Variants in OSBPL10 observed in about 807,000 individuals in gnomAD.
OSBPL10 encodes oxysterol-binding protein-related protein 10.
In OSBPL10, 49 loss-of-function variants were observed where a neutral mutation model predicts 81.7. That is an observed-to-expected ratio of 0.60 (90% CI 0.48 to 0.76). The LOEUF (loss-of-function observed/expected upper bound fraction) is 0.76. Ranked by LOEUF, OSBPL10 falls within the 30% of genes least tolerant of loss-of-function variation. The pLI is 0.00. For missense variants in OSBPL10, 923 were observed against 987.8 expected, an observed-to-expected ratio of 0.93 and a Z score of 0.88; for synonymous variants, 419 against 383.6, an observed-to-expected ratio of 1.09 and a Z score of -1.08.
chr3:32,030,731 T>A (rs1053748488), intron 2 of OSBPL10: 9 of 674,236 alleles, frequency 1.3e-5, no homozygotes, highest in Admixed American at 2.4e-5. Context: ...AATAAATAAA[T>A]AAAAAATTAC....
intron 6 of OSBPL10, among the ~76,000 whole-genome samples, chr3:31,719,614 G>A (rs1696571805): frequency 6.6e-6 from 1 of 152,144 alleles, no homozygotes; most frequent in Non-Finnish European, 1.5e-5. Flanking sequence ...ACACAATGCT[G>A]AGAAAGTATA....
chr3:31,868,443 C>T (rs958010565), intron 3 of OSBPL10, among the ~76,000 whole-genome samples: 1 of 152,060 alleles, frequency 6.6e-6, no homozygotes, highest in African/African-American at 2.4e-5. Context: ...CCACCTCCCC[C>T]GCCATTGTCT....
chr3:31,805,855 A>G (rs1389128614), intron 4 of OSBPL10, among the ~76,000 whole-genome samples: 2 of 152,244 alleles, frequency 1.3e-5, no homozygotes, highest in African/African-American at 4.8e-5. Flanking sequence ...CAAGCTTACA[A>G]TAACGATGAC....
chr3:31,878,180 T>G (rs1701526938), intron 2 of OSBPL10, among the ~76,000 whole-genome samples: 1 of 152,252 alleles, frequency 6.6e-6, no homozygotes, highest in Admixed American at 6.5e-5. Flanking sequence ...AACCTAGGGC[T>G]TAATAATCCA....
At chr3:31,706,767 C>T (rs1327906243) in intron 6 of OSBPL10, among the ~76,000 whole-genome samples, 1 of 152,168 alleles carries the variant, frequency 6.6e-6, no homozygotes, top group African/African-American at 2.4e-5. Context: ...TTATTCAATA[C>T]ATATATGTAA....
At chr3:31,671,847 A>G (rs1318590075) in intron 8 of OSBPL10, among the ~76,000 whole-genome samples, 3 of 152,190 alleles carry the variant, frequency 2.0e-5, no homozygotes, top group Admixed American at 2.0e-4. Context: ...GTAGAGTTGT[A>G]TACAGAGGCC....
chr3:31,674,511 G>A (rs935149898), intron 8 of OSBPL10, among the ~76,000 whole-genome samples: 1 of 150,024 alleles, frequency 6.7e-6, no homozygotes, highest in African/African-American at 2.5e-5. Flanking sequence ...AGTGAGCCAT[G>A]GTCACGTCAC....
intron 1 of OSBPL10, among the ~76,000 whole-genome samples, chr3:32,070,954 G>A (rs1699824091): frequency 6.6e-6 from 1 of 152,108 alleles, no homozygotes; most frequent in African/African-American, 2.4e-5. Flanking sequence ...AAGCCTCCAG[G>A]GACAGCCCTC....
At chr3:31,785,235 G>GA in intron 4 of OSBPL10, among the ~76,000 whole-genome samples, 2 of 152,184 alleles carry the variant, frequency 1.3e-5, no homozygotes, top group South Asian at 4.2e-4. Context: ...GTAATAAATG[G>GA]AAAAACAGAA....
chr3:31,949,614 G>A (rs1222319619), intron 1 of OSBPL10, among the ~76,000 whole-genome samples: 1 of 130,706 alleles, frequency 7.7e-6, no homozygotes, highest in Non-Finnish European at 1.6e-5. Context: ...CTTGCAGTGA[G>A]CTGAGATCAC....
chr3:31,844,758 C>T (rs1207122132), intron 3 of OSBPL10, among the ~76,000 whole-genome samples: 1 of 152,186 alleles, frequency 6.6e-6, no homozygotes, highest in East Asian at 1.9e-4. Context: ...TACTAAACAT[C>T]ATTTAATTGT....
At chr3:31,766,588 C>T (rs1045551672) in intron 4 of OSBPL10, among the ~76,000 whole-genome samples, 12 of 152,080 alleles carry the variant, frequency 7.9e-5, no homozygotes, top group African/African-American at 2.9e-4. Context: ...AATCTTCCTC[C>T]TCAGCCCCTC....
At chr3:32,044,542 G>A (rs1056815553) in intron 2 of OSBPL10, among the ~76,000 whole-genome samples, 2 of 151,160 alleles carry the variant, frequency 1.3e-5, no homozygotes, top group African/African-American at 2.4e-5. Context: ...GGGAGTTAGC[G>A]ACCAAGCCTG....
chr3:32,034,123 T>A (rs1230761081), intron 2 of OSBPL10, among the ~76,000 whole-genome samples: 1 of 152,108 alleles, frequency 6.6e-6, no homozygotes, highest in Non-Finnish European at 1.5e-5. Context: ...CCTCACTCAC[T>A]ATCAGGAGAA....
At chr3:32,023,328 GA>G (rs1215317179) in intron 2 of OSBPL10, among the ~76,000 whole-genome samples, 1 of 152,132 alleles carries the variant, frequency 6.6e-6, no homozygotes, top group Non-Finnish European at 1.5e-5. Context: ...GAGTTTCCCA[GA>G]ACATGCCCTC....
At chr3:31,771,102 C>T (rs569383133) in intron 4 of OSBPL10, among the ~76,000 whole-genome samples, 3 of 152,182 alleles carry the variant, frequency 2.0e-5, no homozygotes, top group Admixed American at 1.3e-4. Context: ...ACGTGAATCA[C>T]TCAGAAATGC....
intron 8 of OSBPL10, among the ~76,000 whole-genome samples, chr3:31,676,009 T>A (rs1006159356): frequency 1.3e-5 from 2 of 150,784 alleles, no homozygotes; most frequent in Non-Finnish European, 2.9e-5. Context: ...CTGTGAGGGA[T>A]GGAAGAGACA....
At chr3:31,865,610 A>C (rs1701161562) in intron 3 of OSBPL10, among the ~76,000 whole-genome samples, 1 of 152,226 alleles carries the variant, frequency 6.6e-6, no homozygotes, top group Non-Finnish European at 1.5e-5. Context: ...GAAAGAGCTC[A>C]TGTTGTTTAA....
intron 4 of OSBPL10, among the ~76,000 whole-genome samples, chr3:31,807,390 T>TAAATAAATAAATA (rs1460535962): frequency 8.4e-5 from 11 of 130,434 alleles, no homozygotes; most frequent in African/African-American, 3.0e-4. Context: ...AATAAATAAA[T>TAAATAAATAAATA]AAATAAATAA....
Sources: allele counts gnomAD v4.1 joint callset (sites outside exome capture counted in the v4.1 genomes callset), GRCh38; gene constraint gnomAD v4.1.1; transcripts MANE v1.5; gene names NCBI Gene and HGNC (gene_info 2026-07-23, HGNC 2026-07-21).